The following PBX3 variants were observed in gnomAD, a reference collection of about 807,000 sequenced individuals.
PBX3 encodes PBX homeobox 3.
In PBX3, 14 loss-of-function variants were observed where a neutral mutation model predicts 48.5. The observed-to-expected ratio is 0.29, with a 90% CI of 0.19 to 0.45. The LOEUF is 0.45. Ranked by LOEUF, PBX3 falls within the 20% of genes least tolerant of loss-of-function variation. The pLI is 1.00. For missense variants in PBX3, 386 were observed against 546.7 expected, an observed-to-expected ratio of 0.71 and a Z score of 2.93; for synonymous variants, 210 against 200.3, an observed-to-expected ratio of 1.05 and a Z score of -0.41.
chr9:125,946,640 G>T (rs1016216421), intron 5 of PBX3, among the ~76,000 whole-genome samples: 1 of 152,118 alleles, frequency 6.6e-6, no homozygotes, highest in Non-Finnish European at 1.5e-5. Context: ...TGGACTGGAA[G>T]AAGAGTCCCA....
rs185828689 is a variant in PBX3 at position 125,783,030 on chromosome 9, C to T, written c.274+34407C>T. Among the ~76,000 whole-genome samples, 443 of 152,220 alleles carry T rather than the reference C, an allele frequency of 2.9e-3. 2 individuals are homozygous for T. Among genetic ancestry groups the T allele is most frequent in the Non-Finnish European group, 5.3e-3 (360 of 68,002 alleles). On this transcript the variant is annotated intron_variant, in intron 2 of 8. Coordinates refer to ENST00000373489, the MANE Select transcript of PBX3 (RefSeq NM_006195.6). ...TTATAATGTGTCTCAATGTGAATCT[C>T]TGTGTGTATCTTTCTTAGAGCTTAT...
intron 2 of PBX3, among the ~76,000 whole-genome samples, chr9:125,834,432 A>T (rs1839059675): frequency 6.6e-6 from 1 of 151,554 alleles, no homozygotes; most frequent in Non-Finnish European, 1.5e-5. Context: ...ACCGAGTCTC[A>T]CTCTGTCCAG....
intron 2 of PBX3, among the ~76,000 whole-genome samples, chr9:125,869,879 A>G (rs749719010): frequency 3.9e-5 from 6 of 152,222 alleles, no homozygotes; most frequent in Non-Finnish European, 8.8e-5. Flanking sequence ...AAATTTGTGG[A>G]TAAGGGTAAA....
At chr9:125,856,385 C>T (rs1452931950) in intron 2 of PBX3, among the ~76,000 whole-genome samples, 1 of 152,102 alleles carries the variant, frequency 6.6e-6, no homozygotes, top group East Asian at 1.9e-4. Context: ...CAGTTATTGA[C>T]TCTAATCTGG....
At chr9:125,859,482 T>G (rs1839807526) in intron 2 of PBX3, among the ~76,000 whole-genome samples, 1 of 152,210 alleles carries the variant, frequency 6.6e-6, no homozygotes, top group South Asian at 2.1e-4. Context: ...TTATGTTTGG[T>G]GCTTTTTGTT....
In PBX3 at chr9:125,967,147, C is replaced by G. The variant is rs1410665754; in HGVS notation, c.*1224C>G. The G allele has an allele frequency of 1.3e-5, 2 of 150,348 alleles. No homozygotes were observed. Among genetic ancestry groups the G allele is most frequent in the Non-Finnish European group, 3.0e-5 (2 of 67,774 alleles). The allele number at this position is 150,348 out of a possible 1,614,324, so 9.3% of individuals were successfully genotyped here. ...TGCATTCAGATTTCAGTATTCAGTA[C>G]TGTATATTTCACCCTGTGTAATGGG... is the stretch of plus-strand genomic sequence containing the variant. On this transcript the variant is annotated 3_prime_UTR_variant, in exon 9 of 9. Coordinates refer to ENST00000373489, the MANE Select transcript of PBX3 (RefSeq NM_006195.6).
rs998788035 is a variant in PBX3 at position 125,778,989 on chromosome 9, T to C, written c.274+30366T>C. Reference sequence around the variant, plus strand: ...CGATGTTGTGCAACCATCACTGATATCTACTTCCAAAACTGGAACTCTTGT... The same window carrying C: ...CGATGTTGTGCAACCATCACTGATACCTACTTCCAAAACTGGAACTCTTGT... On this transcript the variant is annotated intron_variant, in intron 2 of 8. Coordinates refer to ENST00000373489, the MANE Select transcript of PBX3 (RefSeq NM_006195.6). Among the ~76,000 whole-genome samples, 26 of 133,442 alleles carry C rather than the reference T, an allele frequency of 1.9e-4. No homozygotes were observed. The East Asian group carries it at 3.9e-3, about 20-fold the overall frequency. The allele number at this position is 133,442 out of a possible 152,430, so 87.5% of individuals were successfully genotyped here.
At chr9:125,831,457 C>A (rs891131741) in intron 2 of PBX3, among the ~76,000 whole-genome samples, 1 of 150,524 alleles carries the variant, frequency 6.6e-6, no homozygotes, top group Non-Finnish European at 1.5e-5. Context: ...GAGTCTCGCT[C>A]TGTTGCCCAG....
chr9:125,793,885 G>T (rs1837696626), intron 2 of PBX3, among the ~76,000 whole-genome samples: 1 of 152,048 alleles, frequency 6.6e-6, no homozygotes, highest in Non-Finnish European at 1.5e-5. Flanking sequence ...TTATTGTAGG[G>T]AATTTAGTGA....
intron 1 of PBX3, 61 bp downstream of exon 1, chr9:125,747,714 T>C: frequency 2.2e-5 from 30 of 1,353,760 alleles, no homozygotes; most frequent in Non-Finnish European, 2.9e-5. Context: ...CGCGGCCGAG[T>C]CGAGGCCCGG....
At chr9:125,816,758 T>C (rs1389137840) in intron 2 of PBX3, among the ~76,000 whole-genome samples, 9 of 152,218 alleles carry the variant, frequency 5.9e-5, no homozygotes, top group Non-Finnish European at 1.3e-4. Context: ...TGTGTTTGTG[T>C]GTGTGTATAT....
Position 125,796,478 on chromosome 9 carries a change from C to T in PBX3, c.274+47855C>T, listed in dbSNP as rs191765030. ...AGTTGAGTGGAAATTTTCTGTGGGG[C>T]GGGCTGTTGTATTAAATTGTTCCTT... On this transcript the variant is annotated intron_variant, in intron 2 of 8. Transcript: ENST00000373489. Among the ~76,000 whole-genome samples the T allele has an allele frequency of 3.9e-5, 6 of 152,120 alleles. No homozygotes were observed. The East Asian group carries it at 5.8e-4, about 15-fold the overall frequency.
chr9:125,762,397 AT>A (rs1203326863), intron 2 of PBX3, among the ~76,000 whole-genome samples: 1 of 151,972 alleles, frequency 6.6e-6, no homozygotes, highest in Non-Finnish European at 1.5e-5. Flanking sequence ...CCTTTGAGTT[AT>A]TTTTTTCCCT....
chr9:125,893,827 A>T (rs886064293), intron 2 of PBX3, among the ~76,000 whole-genome samples: 2 of 152,196 alleles, frequency 1.3e-5, no homozygotes, highest in Non-Finnish European at 2.9e-5. Context: ...TGTATTTCAG[A>T]TGTGCACTTC....
intron 8 of PBX3, 105 bp from the exon 9 acceptor site, chr9:125,965,726 T>G: frequency 1.2e-6 from 1 of 816,086 alleles, no homozygotes; most frequent in Non-Finnish European, 2.1e-6. Flanking sequence ...GAAAATACAT[T>G]TTGCTAATGC....
intron 5 of PBX3, among the ~76,000 whole-genome samples, chr9:125,945,243 T>C (rs75638390): frequency 6.9e-6 from 1 of 144,222 alleles, no homozygotes; most frequent in African/African-American, 2.5e-5. Context: ...AAAAAAAAAA[T>C]AGCATGTACT....
chr9:125,758,215 C>T (rs1836572000), intron 2 of PBX3, among the ~76,000 whole-genome samples: 1 of 151,856 alleles, frequency 6.6e-6, no homozygotes, highest in Admixed American at 6.6e-5. Flanking sequence ...AAATTTATGG[C>T]ATTTTGTATT....
intron 3 of PBX3, among the ~76,000 whole-genome samples, chr9:125,920,661 A>T (rs957562465): frequency 2.0e-5 from 3 of 152,246 alleles, no homozygotes; most frequent in Non-Finnish European, 4.4e-5. Context: ...TTATATTGAA[A>T]TACATTTTTT....
intron 2 of PBX3, among the ~76,000 whole-genome samples, chr9:125,819,372 C>T (rs1838577855): frequency 6.6e-6 from 1 of 151,484 alleles, no homozygotes; most frequent in East Asian, 2.0e-4. Context: ...ACTAAAAATA[C>T]AAAATTAGCT....
Sources: allele counts gnomAD v4.1 joint callset (sites outside exome capture counted in the v4.1 genomes callset), GRCh38; gene constraint gnomAD v4.1.1; transcripts MANE v1.5; gene names NCBI Gene and HGNC (gene_info 2026-07-23, HGNC 2026-07-21).